Variants in ZSCAN10 observed in about 807,000 individuals in gnomAD.
The protein encoded by ZSCAN10 is zinc finger and SCAN domain-containing protein 10.
A neutral mutation model predicts 63.7 loss-of-function variants in ZSCAN10; 52 were observed. The observed-to-expected ratio is 0.82, with a 90% CI of 0.65 to 1.03. The LOEUF (loss-of-function observed/expected upper bound fraction) is 1.03. ZSCAN10 is among the 50% of genes least tolerant of loss of function. ZSCAN10 has a pLI of 0.00. For synonymous variants in ZSCAN10, 544 were observed against 479.6 expected (o/e 1.13, Z -1.76); for missense variants, 1,223 against 1,103.8 (o/e 1.11, Z -1.53).
chr16:3,095,644 C>A (rs976005454), intron 1 of ZSCAN10, among the ~76,000 whole-genome samples: 4 of 150,486 alleles, frequency 2.7e-5, no homozygotes, highest in South Asian at 4.2e-4. Flanking sequence ...CTGGTTAACA[C>A]GGTGAAACCC....
chr16:3,095,655 C>T (rs959117845), intron 1 of ZSCAN10, among the ~76,000 whole-genome samples: 3 of 151,616 alleles, frequency 2.0e-5, no homozygotes, highest in African/African-American at 4.8e-5. Context: ...GGTGAAACCC[C>T]GTCTCTAATA....
intron 1 of ZSCAN10, among the ~76,000 whole-genome samples, chr16:3,098,094 A>AG (rs1270985420): frequency 6.6e-6 from 1 of 151,702 alleles, no homozygotes; most frequent in African/African-American, 2.4e-5. Context: ...AGAAAAGAAA[A>AG]AAAAAGAGTG....
At chr16:3,098,059 A>AG (rs1399599776) in intron 1 of ZSCAN10, among the ~76,000 whole-genome samples, 18 of 150,234 alleles carry the variant, frequency 1.2e-4, no homozygotes, top group East Asian at 3.9e-4. Flanking sequence ...AAAAAAAAAA[A>AG]AAAGAAAGAA....
chr16:3,090,973 G>C (rs750986275), intron 5 of ZSCAN10, among the ~76,000 whole-genome samples: 1 of 152,110 alleles, frequency 6.6e-6, no homozygotes, highest in Non-Finnish European at 1.5e-5. Flanking sequence ...GGGAGGCTGA[G>C]GCAGGAGAAT....
At chr16:3,098,879 T>C (rs1042525225) in intron 1 of ZSCAN10, among the ~76,000 whole-genome samples, 2 of 152,234 alleles carry the variant, frequency 1.3e-5, no homozygotes, top group Non-Finnish European at 1.5e-5. Context: ...TTGTTGTTTG[T>C]TGGAGGGGCC....
chr16:3,090,091 ACAAGGCTGGCG>A lies in ZSCAN10; in HGVS notation c.1332_1342del (p.Ser446AlafsTer16). ...CTGGGCGTGCGCCAGCAGGTGCTGC[ACAAGGCTGGCG>A]CGGCGCTGGAAGCCGCGGCCGCACT... On this transcript the variant is annotated frameshift_variant, in exon 6 of 6. Transcript: ENST00000576985. LOFTEE classifies it high-confidence loss of function. The A allele has an allele frequency of 6.2e-7, 1 of 1,603,464 alleles. No individual in the cohort carries two copies. The highest frequency in any genetic ancestry group is 8.5e-7 in the Non-Finnish European group (1 of 1,178,474).
chr16:3,089,562 G>C lies in ZSCAN10; in HGVS notation c.1872C>G (p.His624Gln), dbSNP rs560298599. Residue 624 changes from histidine to glutamine, a missense_variant, in exon 6 of 6, where the codon CAC (histidine) becomes CAG (glutamine). Transcript: ENST00000576985. ...GCTTCTCGCCCGTGTGGCTGCGCTG[G>C]TGGCGGGCCAGATCCTGGGTCTGGC... ...SFGQTQDLARHQRSHTGEKPC... is the reference protein window; with the variant it reads ...SFGQTQDLARQQRSHTGEKPC... 6.3e-7 allele frequency: 1 copy of C among 1,596,056 alleles called. No homozygotes were observed. Among genetic ancestry groups the C allele is most frequent in the Non-Finnish European group, 8.5e-7 (1 of 1,171,772 alleles).
Position 3,092,084 on chromosome 16 carries a change from C to G in ZSCAN10, c.629G>C (p.Gly210Ala). Residue 210 changes from glycine to alanine, a missense_variant, in exon 3 of 6, where the codon GGG (glycine) becomes GCG (alanine). Physicochemically the swap from Gly to Ala is moderately conservative, Grantham distance 60 (BLOSUM62 0). Coordinates refer to ENST00000576985, the MANE Select transcript of ZSCAN10 (RefSeq NM_032805.3). ...CAGGGCCTGGAATGTCTTCTGGGGCCCCGGGCTCAGCGGCTGCTTTGAACT... is the reference window on the plus strand; with the variant it reads ...CAGGGCCTGGAATGTCTTCTGGGGCGCCGGGCTCAGCGGCTGCTTTGAACT... ...PPSSKQPLSP[G>A]PQKTFQALQE... 6.3e-7 allele frequency: 1 copy of G among 1,589,296 alleles called. No individual in the cohort carries two copies. The highest frequency in any genetic ancestry group is 1.1e-5 in the South Asian group (1 of 87,840).
rs770406735 is a variant in ZSCAN10 at position 3,089,488 on chromosome 16, A to T, written c.1946T>A (p.Leu649Gln). The T allele has an allele frequency of 6.2e-7, 1 of 1,602,348 alleles. No individual in the cohort carries two copies. Among genetic ancestry groups the T allele is most frequent in the South Asian group, 1.1e-5 (1 of 90,332 alleles). ...TGTGTGGATGCGCTGGTGGCGCGCC[A>T]GGTGGGCGCTCTGGCTGAAGCCCTC... is the stretch of plus-strand genomic sequence containing the variant. Reference protein sequence around the residue: ...CGEGFSQSAHLARHQRIHTGE... With the variant: ...CGEGFSQSAHQARHQRIHTGE... The change falls in exon 6 of 6, where the codon CTG (leucine) becomes CAG (glutamine). Residue 649 changes from leucine to glutamine, a missense_variant. By Grantham distance (113) the Leu-to-Gln change is moderately radical. Transcript: ENST00000576985.
In ZSCAN10 at chr16:3,089,047, C is replaced by T. The variant is rs200764017; in HGVS notation, c.*44G>A. The T allele has an allele frequency of 6.9e-7, 1 of 1,449,456 alleles. No homozygotes were observed. The highest frequency in any genetic ancestry group is 1.5e-5 in the African/African-American group (1 of 67,232). The allele number at this position is 1,449,456 out of a possible 1,614,324, so 89.8% of individuals were successfully genotyped here. A position where few individuals can be genotyped will look rare whatever the true frequency, so the allele number is the denominator to read the frequency against. Reference sequence around the variant, plus strand: ...CTGCAGGCCTCCGCTGTGGAGGACCCCGGGTAGGTGGCGCAGGGCGCGGCT... The same window carrying T: ...CTGCAGGCCTCCGCTGTGGAGGACCTCGGGTAGGTGGCGCAGGGCGCGGCT... On this transcript the variant is annotated 3_prime_UTR_variant, in exon 6 of 6. Coordinates refer to ENST00000576985, the MANE Select transcript of ZSCAN10 (RefSeq NM_032805.3).
rs1215133638 is a variant in ZSCAN10, at chr16:3,089,318, G to T, written c.2116C>A (p.Arg706=). The change falls in exon 6 of 6, where the codon CGG becomes AGG. Residue 706 remains arginine (R), a synonymous_variant. Coordinates refer to ENST00000576985, the MANE Select transcript of ZSCAN10 (RefSeq NM_032805.3). Reference sequence around the variant, plus strand: ...TCCGCATGGGTAGCCAGGTGCCGCCGCAGATGCGCGTTGCGCCGGAAGCTG... The same window carrying T: ...TCCGCATGGGTAGCCAGGTGCCGCCTCAGATGCGCGTTGCGCCGGAAGCTG... ...GRSFRRNAHL[R]RHLATHAEPG... The T allele has an allele frequency of 6.3e-7, 1 of 1,577,302 alleles. No homozygotes were observed. The highest frequency in any genetic ancestry group is 1.8e-5 in the Admixed American group (1 of 56,760).
chr16:3,093,123 G>T, intron 1 of ZSCAN10, 119 bp from the exon 2 acceptor site: 1 of 743,898 alleles, frequency 1.3e-6, no homozygotes, highest in Non-Finnish European at 1.9e-6. Context: ...TTCTCACTGG[G>T]TAATGGCTCA....
In ZSCAN10 at chr16:3,092,972, C is replaced by A. The variant is rs967362124; in HGVS notation, c.-35G>T. On this transcript the variant is annotated 5_prime_UTR_variant, in exon 2 of 6. Transcript: ENST00000576985. The stretch of plus-strand genomic sequence containing the variant: ...CGGGGATGCCTCCCTAACGCCAGCC[C>A]CGCTCTTGGGTCTCTCTCCTCTCCT... 58 of 1,402,700 alleles carry A rather than the reference C, an allele frequency of 4.1e-5. No individual in the cohort carries two copies. In the South Asian group the frequency reaches 7.5e-4, roughly 18 times the overall value. 86.9% of individuals were successfully genotyped at this position (1,402,700 alleles called of 1,614,324 possible). A position where few individuals can be genotyped will look rare whatever the true frequency, so the allele number is the denominator to read the frequency against.
chr16:3,092,351 G>T, intron 2 of ZSCAN10, 35 bp from the exon 3 acceptor site: 2 of 1,563,744 alleles, frequency 1.3e-6, no homozygotes, highest in African/African-American at 1.3e-5. Flanking sequence ...GTGACTCCCG[G>T]GGTGGCAACC....
chr16:3,090,592 C>G lies in ZSCAN10; in HGVS notation c.842G>C (p.Gly281Ala). 1 of 1,562,762 alleles carries G rather than the reference C, an allele frequency of 6.4e-7. No individual in the cohort carries two copies. Among genetic ancestry groups the G allele is most frequent in the Non-Finnish European group, 8.7e-7 (1 of 1,154,040 alleles). ...TAAGATGGGAGTGGGCCAGGCAGCC[C>G]CTTTGGGCTCTTCTTGTTTAAATTC... is the stretch of plus-strand genomic sequence containing the variant. ...KEEFKQEEPKGAAWPTPILAE... is the reference protein window; with the variant it reads ...KEEFKQEEPKAAAWPTPILAE... Residue 281 changes from glycine (G) to alanine (A), a missense_variant, in exon 6 of 6, where the codon GGG becomes GCG. By Grantham distance (60) the Gly-to-Ala change is moderately conservative. Transcript: ENST00000576985.
At position 3,092,725 on chromosome 16, in the gene ZSCAN10, G is replaced by A; in HGVS notation, c.213C>T (p.His71=). 1.2e-6 allele frequency: 2 copies of A among 1,613,196 alleles called. No homozygotes were observed. Among genetic ancestry groups the A allele is most frequent in the Non-Finnish European group, 1.7e-6 (2 of 1,179,850 alleles). Residue 71 remains histidine (H), a synonymous_variant, in exon 2 of 6, where the codon CAC becomes CAT. Transcript: ENST00000576985. ...TGGTGTGCAGAGCCGGCCGCAGCCA[G>A]TGGCCGCAGAGCTCCCGGAGCCGGC... ...SLSRLRELCG[H]WLRPALHTKK... is the part of the protein sequence containing the mutation.
chr16:3,092,520 G>A (rs1567167237), intron 2 of ZSCAN10, 22 bp downstream of exon 2: 1 of 1,484,888 alleles, frequency 6.7e-7, no homozygotes, highest in Non-Finnish European at 8.9e-7. Context: ...ATGCTGCTCA[G>A]CCCGCTGCCC....
chr16:3,091,753 G>T lies in ZSCAN10; in HGVS notation c.729+11C>A, dbSNP rs1206070349. ...GGGCTTGAGGACACCCTGGGGTGCG[G>T]CCCAGCTCACCAGCACAGCCGCCAG... is the stretch of plus-strand genomic sequence containing the variant. On this transcript the variant is annotated intron_variant, in intron 4 of 5. Coordinates refer to ENST00000576985, the MANE Select transcript of ZSCAN10 (RefSeq NM_032805.3). 1 of 1,574,480 alleles carries T rather than the reference G, an allele frequency of 6.4e-7. No individual in the cohort carries two copies. Among genetic ancestry groups the T allele is most frequent in the Admixed American group, 1.9e-5 (1 of 53,730 alleles).
intron 1 of ZSCAN10, among the ~76,000 whole-genome samples, chr16:3,098,697 C>T (rs183094221): frequency 1.8e-4 from 27 of 152,320 alleles, no homozygotes; most frequent in Admixed American, 4.6e-4. Flanking sequence ...GGCAGAGGCT[C>T]TACAGCCACC....
Sources: allele counts gnomAD v4.1 joint callset (sites outside exome capture counted in the v4.1 genomes callset), GRCh38; gene constraint gnomAD v4.1.1; transcripts MANE v1.5; gene names NCBI Gene and HGNC (gene_info 2026-07-23, HGNC 2026-07-21).